CDH13: variants seen among roughly 807,000 people sequenced by gnomAD.
The protein encoded by CDH13 is cadherin 13.
Under a neutral mutation model 63.8 loss-of-function variants are expected in CDH13, and 24 were observed. The observed-to-expected ratio is 0.38, with a 90% CI of 0.27 to 0.53. The LOEUF is 0.53. CDH13 is among the 20% of genes least tolerant of loss of function. CDH13 has a pLI of 0.85. For missense variants in CDH13, 1,049 were observed against 903.1 expected (o/e 1.16, Z -2.07); for synonymous variants, 503 against 355.3 (o/e 1.42, Z -4.67).
intron 5 of CDH13, among the ~76,000 whole-genome samples, chr16:83,330,158 A>G (rs1057316321): frequency 6.6e-5 from 10 of 152,188 alleles, no homozygotes; most frequent in Non-Finnish European, 1.3e-4. Flanking sequence ...GAACCTGCAC[A>G]TGTAATAAAA....
chr16:82,867,969 A>G (rs1237878219), intron 2 of CDH13, among the ~76,000 whole-genome samples: 1 of 152,220 alleles, frequency 6.6e-6, no homozygotes, highest in Non-Finnish European at 1.5e-5. Context: ...ATTTTTAAAA[A>G]TAACAATGAT....
chr16:83,160,120 C>T (rs1354617180), intron 4 of CDH13, among the ~76,000 whole-genome samples: 1 of 151,998 alleles, frequency 6.6e-6, no homozygotes. Context: ...TGCACCCTCG[C>T]ACATGCTGTT....
intron 3 of CDH13, among the ~76,000 whole-genome samples, chr16:83,099,024 C>G (rs1471875023): frequency 6.6e-6 from 1 of 151,924 alleles, no homozygotes; most frequent in Admixed American, 6.6e-5. Context: ...CTATATATAC[C>G]TATGTGTGTG....
At chr16:83,735,117 C>G (rs1466482039) in intron 10 of CDH13, among the ~76,000 whole-genome samples, 2 of 152,130 alleles carry the variant, frequency 1.3e-5, no homozygotes, top group African/African-American at 4.8e-5. Flanking sequence ...AGGCTAGTCT[C>G]ACAGTGAACA....
chr16:82,734,256 TGGCA>T (rs2033554924), intron 1 of CDH13, among the ~76,000 whole-genome samples: 1 of 152,194 alleles, frequency 6.6e-6, no homozygotes, highest in Non-Finnish European at 1.5e-5. Context: ...TGTGTTCAAA[TGGCA>T]GAGTTAAGCA....
At chr16:83,015,811 C>T (rs954921939) in intron 2 of CDH13, among the ~76,000 whole-genome samples, 2 of 148,682 alleles carry the variant, frequency 1.3e-5, no homozygotes, top group African/African-American at 5.0e-5. Context: ...ATGGGGCTGT[C>T]TATAATCACA....
intron 1 of CDH13, among the ~76,000 whole-genome samples, chr16:82,786,374 A>G (rs1366565192): frequency 6.6e-6 from 1 of 152,076 alleles, no homozygotes. Flanking sequence ...ATCACTTCCA[A>G]AAGTGTCTAT....
chr16:83,049,730 C>A (rs183883387), intron 3 of CDH13, among the ~76,000 whole-genome samples: 1 of 152,264 alleles, frequency 6.6e-6, no homozygotes, highest in East Asian at 1.9e-4. Context: ...TGTGGATGGA[C>A]CACAAATTGT....
chr16:82,705,530 A>G (rs1236516852), intron 1 of CDH13, among the ~76,000 whole-genome samples: 1 of 152,188 alleles, frequency 6.6e-6, no homozygotes, highest in Non-Finnish European at 1.5e-5. Flanking sequence ...TCATTTGAGC[A>G]GTAGGAATTT....
At chr16:82,807,636 G>C (rs774533576) in intron 1 of CDH13, among the ~76,000 whole-genome samples, 1 of 152,138 alleles carries the variant, frequency 6.6e-6, no homozygotes, top group East Asian at 1.9e-4. Context: ...CCTCATTGTG[G>C]GTTCAGGGAT....
At chr16:82,880,359 CG>C (rs111347862) in intron 2 of CDH13, among the ~76,000 whole-genome samples, 12 of 152,158 alleles carry the variant, frequency 7.9e-5, no homozygotes, top group African/African-American at 2.9e-4. Flanking sequence ...ACATGGTACC[CG>C]CTGGGTTGAT....
intron 2 of CDH13, among the ~76,000 whole-genome samples, chr16:83,015,862 A>G (rs1373171550): frequency 6.6e-6 from 1 of 151,618 alleles, no homozygotes; most frequent in African/African-American, 2.4e-5. Context: ...ATTCAATTGC[A>G]AAAGTTGCCA....
At chr16:82,775,931 T>A in intron 1 of CDH13, among the ~76,000 whole-genome samples, 1 of 152,192 alleles carries the variant, frequency 6.6e-6, no homozygotes, top group South Asian at 2.1e-4. Context: ...ACTATCAGGC[T>A]GCATGCAGTG....
At chr16:82,835,767 G>C (rs750424517) in intron 1 of CDH13, among the ~76,000 whole-genome samples, 2 of 152,162 alleles carry the variant, frequency 1.3e-5, no homozygotes, top group Non-Finnish European at 2.9e-5. Context: ...GCCCTGCTGT[G>C]ATGATCAATC....
intron 1 of CDH13, among the ~76,000 whole-genome samples, chr16:82,649,994 CACA>C (rs1424728868): frequency 2.0e-5 from 3 of 152,106 alleles, no homozygotes; most frequent in Non-Finnish European, 4.4e-5. Context: ...CCTTAGTCAT[CACA>C]ACAAGGACCA....
chr16:82,801,410 C>T (rs1291883095), intron 1 of CDH13, among the ~76,000 whole-genome samples: 1 of 152,202 alleles, frequency 6.6e-6, no homozygotes, highest in African/African-American at 2.4e-5. Flanking sequence ...CAGTCTAATC[C>T]ACACTGTCTC....
intron 1 of CDH13, among the ~76,000 whole-genome samples, chr16:82,850,681 G>C (rs1321054077): frequency 6.6e-6 from 1 of 152,154 alleles, no homozygotes; most frequent in East Asian, 1.9e-4. Flanking sequence ...AGAGTCGATA[G>C]ATTGGCAAAC....
chr16:83,448,844 C>A (rs2072791329), intron 6 of CDH13, among the ~76,000 whole-genome samples: 1 of 152,068 alleles, frequency 6.6e-6, no homozygotes, highest in African/African-American at 2.4e-5. Context: ...AGCAAAGACT[C>A]CAAGAAGTTT....
chr16:83,365,788 T>C (rs972071751), intron 6 of CDH13, among the ~76,000 whole-genome samples: 3 of 152,138 alleles, frequency 2.0e-5, no homozygotes, highest in African/African-American at 7.2e-5. Flanking sequence ...AATTCTGAGA[T>C]CCTGAGGATT....
Sources: allele counts gnomAD v4.1 joint callset (sites outside exome capture counted in the v4.1 genomes callset), GRCh38; gene constraint gnomAD v4.1.1; transcripts MANE v1.5; gene names NCBI Gene and HGNC (gene_info 2026-07-23, HGNC 2026-07-21).